The following RBKS variants were observed in gnomAD, a reference collection of about 807,000 sequenced individuals.
RBKS encodes ribokinase.
A neutral mutation model predicts 33.9 loss-of-function variants in RBKS; 33 were observed. The ratio of observed to expected loss-of-function variants is 0.97; its 90% CI spans 0.74 to 1.30. The LOEUF (loss-of-function observed/expected upper bound fraction) is 1.30, where lower values mean the gene tolerates loss of function less well. Among genes scored for constraint, RBKS ranks in the 50% most tolerant of loss-of-function variants. RBKS has a pLI of 0.00. For missense variants in RBKS, 361 were observed against 392.6 expected, an observed-to-expected ratio of 0.92 and a Z score of 0.68; for synonymous variants, 125 against 143.0, an observed-to-expected ratio of 0.87 and a Z score of 0.90.
chr2:27,873,806 A>G (rs1317523461), intron 1 of RBKS, among the ~76,000 whole-genome samples: 4 of 151,920 alleles, frequency 2.6e-5, no homozygotes, highest in African/African-American at 7.3e-5. Context: ...CCAGTACCTA[A>G]TATGTGATGT....
At chr2:27,817,658 C>A (rs4666017) in intron 7 of RBKS, among the ~76,000 whole-genome samples, 40,993 of 152,010 alleles carry the variant, frequency 0.27, 6,480 homozygotes, top group East Asian at 0.63. Flanking sequence ...TTTCATTTAA[C>A]TGAGGCTGCA....
chr2:27,887,382 T>C (rs1307737429), intron 1 of RBKS, among the ~76,000 whole-genome samples: 1 of 152,238 alleles, frequency 6.6e-6, no homozygotes, highest in African/African-American at 2.4e-5. Flanking sequence ...ATCAGACTTC[T>C]GACCTCCAGA....
rs1401631636 is a variant in RBKS, at chr2:27,809,847, G to A, written c.795+17720C>T. The A allele has an allele frequency of 5.0e-6, 5 of 1,006,150 alleles. No individual in the cohort carries two copies. The African/African-American group carries it at 8.3e-5, about 17-fold the overall frequency. The allele number at this position is 1,006,150 out of a possible 1,614,324, so 62.3% of individuals were successfully genotyped here. On this transcript the variant is annotated intron_variant, in intron 7 of 7. Transcript: ENST00000302188. ...TTTCATAATATTAGCACCAACCACAGGTTCCACTTCTGCTGATGCACAAAA... is the reference window on the plus strand; with the variant it reads ...TTTCATAATATTAGCACCAACCACAAGTTCCACTTCTGCTGATGCACAAAA...
At chr2:27,825,957 T>C (rs1409011168) in intron 7 of RBKS, among the ~76,000 whole-genome samples, 1 of 152,218 alleles carries the variant, frequency 6.6e-6, no homozygotes, top group Non-Finnish European at 1.5e-5. Context: ...CTTTTCACTT[T>C]AGTGAAAGTA....
intron 1 of RBKS, among the ~76,000 whole-genome samples, chr2:27,877,551 G>T (rs918817060): frequency 1.6e-4 from 24 of 151,888 alleles, no homozygotes; most frequent in African/African-American, 5.3e-4. Context: ...CATTTATTTT[G>T]ATTTTTAAGG....
chr2:27,835,356 C>T (rs1678497434), intron 5 of RBKS, among the ~76,000 whole-genome samples: 1 of 151,546 alleles, frequency 6.6e-6, no homozygotes, highest in Admixed American at 6.6e-5. Context: ...TAAAGTAGAT[C>T]TCCGTTTATC....
rs139852703 is a variant in RBKS at position 27,785,594 on chromosome 2, C to G, written c.796-3806G>C. The stretch of plus-strand genomic sequence containing the variant: ...CCTGGCCAAGATGGTGAAACCCTGT[C>G]TCTACTAAAAATACAAAAACTAGCC... On this transcript the variant is annotated intron_variant, in intron 7 of 7. Coordinates refer to ENST00000302188, the MANE Select transcript of RBKS (RefSeq NM_022128.3). Among the ~76,000 whole-genome samples, 1,242 of 151,958 alleles carry G rather than the reference C, an allele frequency of 8.2e-3. 14 individuals carry two copies. Among genetic ancestry groups the G allele is most frequent in the African/African-American group, 0.028 (1,171 of 41,428 alleles).
chr2:27,846,244 A>T (rs1191625310), intron 4 of RBKS, among the ~76,000 whole-genome samples: 1 of 152,254 alleles, frequency 6.6e-6, no homozygotes, highest in Non-Finnish European at 1.5e-5. Context: ...CTGAGATTAT[A>T]GGCATGAGCC....
chr2:27,840,376 A>G (rs1428612486), intron 5 of RBKS, among the ~76,000 whole-genome samples: 20 of 144,290 alleles, frequency 1.4e-4, no homozygotes, highest in African/African-American at 4.9e-4. Context: ...ACACACACAC[A>G]CACACACACA....
chr2:27,824,192 T>G lies in RBKS; in HGVS notation c.795+3375A>C, dbSNP rs148877806. Among the ~76,000 whole-genome samples, 14 of 152,356 alleles carry G rather than the reference T, an allele frequency of 9.2e-5. No homozygotes were observed. In the East Asian group the frequency reaches 2.7e-3, roughly 29 times the overall value. On this transcript the variant is annotated intron_variant, in intron 7 of 7. Coordinates refer to ENST00000302188, the MANE Select transcript of RBKS (RefSeq NM_022128.3). ...GTAGTATGTTTTCAAGGTGCATCCA[T>G]GTCATAGCATGAATCAGTACTTCAT...
chr2:27,801,413 C>T (rs1015018035), intron 7 of RBKS, among the ~76,000 whole-genome samples: 5 of 142,756 alleles, frequency 3.5e-5, no homozygotes, highest in South Asian at 2.4e-4. Flanking sequence ...GGTGGCAGTG[C>T]GTGAAAAAAA....
At chr2:27,809,613 G>C (rs1007843436) in intron 7 of RBKS, 2 of 194,854 alleles carry the variant, frequency 1.0e-5, no homozygotes, top group Non-Finnish European at 2.1e-5. Context: ...CCTTTTTTTT[G>C]TGACCCCACT....
At chr2:27,786,189 A>G (rs1677397639) in intron 7 of RBKS, among the ~76,000 whole-genome samples, 2 of 152,246 alleles carry the variant, frequency 1.3e-5, no homozygotes, top group Non-Finnish European at 2.9e-5. Flanking sequence ...ATATGTATCA[A>G]ATTGTGAATA....
chr2:27,812,749 C>T (rs1235955183), intron 7 of RBKS, among the ~76,000 whole-genome samples: 1 of 152,084 alleles, frequency 6.6e-6, no homozygotes, highest in Non-Finnish European at 1.5e-5. Flanking sequence ...GGAGATATAT[C>T]TAATGTAAAT....
rs191186445 is a variant in RBKS, at chr2:27,849,057, G to T, written c.223-960C>A. Among the ~76,000 whole-genome samples, 316 of 152,210 alleles carry T rather than the reference G, an allele frequency of 2.1e-3. 1 individual carries two copies. The highest frequency in any genetic ancestry group is 7.2e-3 in the African/African-American group (299 of 41,536). ...CATGTGGAGACAGCTAGAAAGAAAA[G>T]AGAGAAACATAACAGAAAGCAGGAG... On this transcript the variant is annotated intron_variant, in intron 2 of 7. Coordinates refer to ENST00000302188, the MANE Select transcript of RBKS (RefSeq NM_022128.3).
At chr2:27,800,033 C>G (rs979779228) in intron 7 of RBKS, among the ~76,000 whole-genome samples, 2 of 151,384 alleles carry the variant, frequency 1.3e-5, no homozygotes, top group Non-Finnish European at 2.9e-5. Flanking sequence ...TGCCTCTGCC[C>G]CTTGTTGTTA....
At chr2:27,871,564 G>T (rs1300641221) in intron 1 of RBKS, among the ~76,000 whole-genome samples, 2 of 152,114 alleles carry the variant, frequency 1.3e-5, no homozygotes, top group Non-Finnish European at 2.9e-5. Context: ...ATTTGGCTAG[G>T]ATTAGCTCAT....
chr2:27,801,981 TATATATATATA>T (rs1220561822), intron 7 of RBKS, among the ~76,000 whole-genome samples: 11 of 99,946 alleles, frequency 1.1e-4, no homozygotes, highest in African/African-American at 1.7e-4. Flanking sequence ...TATATATATA[TATATATATATA>T]TTTTTTTTTT....
chr2:27,842,678 C>T (rs529445471), intron 5 of RBKS, among the ~76,000 whole-genome samples: 7 of 149,806 alleles, frequency 4.7e-5, no homozygotes, highest in South Asian at 2.1e-4. Flanking sequence ...TTTTTTGAGA[C>T]GGAGTCTCAC....
Sources: gnomAD v4.1 joint callset for allele counts (sites outside exome capture counted in the v4.1 genomes callset) on GRCh38, gnomAD v4.1.1 for gene constraint, MANE v1.5 for transcripts, NCBI Gene and HGNC (gene_info 2026-07-23, HGNC 2026-07-21) for gene names.